BBS9: variants seen among roughly 807,000 people sequenced by gnomAD.
The protein encoded by BBS9 is Bardet-Biedl syndrome 9, also known as protein PTHB1.
Under a neutral mutation model 117.7 loss-of-function variants are expected in BBS9, and 89 were observed. That is an observed-to-expected ratio of 0.76 (90% confidence interval 0.64 to 0.90). The LOEUF is 0.90. BBS9 is among the 40% of genes least tolerant of loss of function. BBS9 has a pLI of 0.00. For missense variants in BBS9, 982 were observed against 1,042.2 expected (o/e 0.94, Z 0.80); for synonymous variants, 379 against 370.9 (o/e 1.02, Z -0.25).
intron 19 of BBS9, among the ~76,000 whole-genome samples, chr7:33,462,660 A>G (rs1329863310): frequency 2.0e-5 from 3 of 152,094 alleles, no homozygotes. Flanking sequence ...AATGAAGTTT[A>G]AAAAAATGAA....
chr7:33,495,122 C>T (rs1039996656), intron 19 of BBS9, among the ~76,000 whole-genome samples: 2 of 152,168 alleles, frequency 1.3e-5, no homozygotes, highest in African/African-American at 4.8e-5. Context: ...ATAGAAAAGC[C>T]TCAACAATTT....
intron 4 of BBS9, among the ~76,000 whole-genome samples, chr7:33,162,668 C>T (rs969615270): frequency 1.5e-4 from 23 of 152,014 alleles, no homozygotes; most frequent in Non-Finnish European, 2.9e-4. Context: ...GTGATTTTTG[C>T]ACATTGATTT....
At chr7:33,584,413 C>A (rs76895458) in intron 21 of BBS9, among the ~76,000 whole-genome samples, 1 of 152,024 alleles carries the variant, frequency 6.6e-6, no homozygotes, top group East Asian at 1.9e-4. Context: ...CTAATGCTAA[C>A]GTGAATATTT....
At chr7:33,387,461 A>G (rs1826230017) in intron 18 of BBS9, among the ~76,000 whole-genome samples, 2 of 149,844 alleles carry the variant, frequency 1.3e-5, no homozygotes, top group Non-Finnish European at 3.0e-5. Flanking sequence ...TATTTGTCCT[A>G]TTTTCTTTAT....
intron 16 of BBS9, among the ~76,000 whole-genome samples, chr7:33,366,400 A>G (rs1443576470): frequency 1.3e-5 from 2 of 151,072 alleles, no homozygotes; most frequent in Admixed American, 6.6e-5. Flanking sequence ...CCACAGGGCT[A>G]TTATGGTGTT....
intron 21 of BBS9, among the ~76,000 whole-genome samples, chr7:33,614,304 A>G (rs555649807): frequency 1.3e-5 from 2 of 152,254 alleles, no homozygotes; most frequent in South Asian, 2.1e-4. Flanking sequence ...AACGTGACAC[A>G]TGACTTTACA....
Position 33,497,083 on chromosome 7 carries a change from C to T in BBS9, c.2116-8380C>T, listed in dbSNP as rs113987934. Reference sequence around the variant, plus strand: ...AGTTCTCTCCTAGACTGAGAGTGCGCCTTTCCAACCAAAGGGCTGCCATCT... The same window carrying T: ...AGTTCTCTCCTAGACTGAGAGTGCGTCTTTCCAACCAAAGGGCTGCCATCT... On this transcript the variant is annotated intron_variant, in intron 19 of 22. Transcript: ENST00000242067. Among the ~76,000 whole-genome samples the T allele has an allele frequency of 2.0e-3, 312 of 152,270 alleles. 1 individual carries two copies. Among genetic ancestry groups the T allele is most frequent in the African/African-American group, 7.1e-3 (294 of 41,560 alleles).
chr7:33,270,278 A>C (rs910086415), intron 7 of BBS9, among the ~76,000 whole-genome samples: 2 of 152,196 alleles, frequency 1.3e-5, no homozygotes, highest in African/African-American at 4.8e-5. Context: ...CAGTGCAAGA[A>C]CTCTGGCAAC....
At chr7:33,528,987 G>A (rs1207421497) in intron 20 of BBS9, among the ~76,000 whole-genome samples, 1 of 152,222 alleles carries the variant, frequency 6.6e-6, no homozygotes, top group Non-Finnish European at 1.5e-5. Context: ...TTGACCAGTG[G>A]AGACTAGCAG....
intron 9 of BBS9, among the ~76,000 whole-genome samples, chr7:33,329,813 G>A (rs965555392): frequency 5.9e-5 from 9 of 151,972 alleles, no homozygotes; most frequent in Non-Finnish European, 8.8e-5. Context: ...GCTAGTTTGA[G>A]GTGTTAATCA....
intron 9 of BBS9, among the ~76,000 whole-genome samples, chr7:33,334,566 A>G (rs1225057735): frequency 2.0e-5 from 3 of 152,152 alleles, no homozygotes; most frequent in Admixed American, 1.3e-4. Context: ...TGGGATTTCC[A>G]TGGCCACTAG....
At chr7:33,316,162 C>G (rs1278695033) in intron 9 of BBS9, among the ~76,000 whole-genome samples, 1 of 152,126 alleles carries the variant, frequency 6.6e-6, no homozygotes, top group Non-Finnish European at 1.5e-5. Flanking sequence ...CTCTTTTTCA[C>G]AATAGGTTTA....
chr7:33,500,217 A>T (rs1024690939), intron 19 of BBS9, among the ~76,000 whole-genome samples: 1 of 152,234 alleles, frequency 6.6e-6, no homozygotes, highest in East Asian at 1.9e-4. Context: ...ACTAAAGCAC[A>T]TATGCCTATC....
At chr7:33,363,093 A>G (rs1820936573) in intron 16 of BBS9, among the ~76,000 whole-genome samples, 1 of 152,088 alleles carries the variant, frequency 6.6e-6, no homozygotes, top group South Asian at 2.1e-4. Flanking sequence ...GCTAATACAT[A>G]GAAATACAAT....
intron 5 of BBS9, among the ~76,000 whole-genome samples, chr7:33,227,823 G>GTA (rs1796257060): frequency 6.6e-6 from 1 of 152,146 alleles, no homozygotes; most frequent in Non-Finnish European, 1.5e-5. Flanking sequence ...ACTCCATGGT[G>GTA]TATATATACC....
chr7:33,140,607 A>G (rs1468704436), intron 1 of BBS9, among the ~76,000 whole-genome samples: 7 of 152,178 alleles, frequency 4.6e-5, no homozygotes, highest in Non-Finnish European at 7.3e-5. Flanking sequence ...GCATATTACA[A>G]TTCTCCTAGG....
chr7:33,453,614 CA>C (rs1263011039), intron 19 of BBS9, among the ~76,000 whole-genome samples: 3 of 151,620 alleles, frequency 2.0e-5, no homozygotes, highest in Non-Finnish European at 4.4e-5. Context: ...CTCTGCCTCC[CA>C]GGTTCAAGCA....
chr7:33,371,238 T>C (rs190778649), intron 17 of BBS9, among the ~76,000 whole-genome samples: 4 of 152,316 alleles, frequency 2.6e-5, no homozygotes, highest in Admixed American at 6.5e-5. Flanking sequence ...TAAGTAATTA[T>C]GAGAAACAAA....
intron 21 of BBS9, among the ~76,000 whole-genome samples, chr7:33,576,677 C>T (rs889625281): frequency 3.3e-5 from 5 of 152,102 alleles, no homozygotes; most frequent in Admixed American, 6.5e-5. Context: ...CTACAGTAAC[C>T]AAAACAGCAT....
Sources: gnomAD v4.1 joint callset for allele counts (sites outside exome capture counted in the v4.1 genomes callset) on GRCh38, gnomAD v4.1.1 for gene constraint, MANE v1.5 for transcripts, NCBI Gene and HGNC (gene_info 2026-07-23, HGNC 2026-07-21) for gene names.